ZAP70: variants seen among roughly 807,000 people sequenced by gnomAD.
ZAP70 encodes the protein tyrosine-protein kinase ZAP-70.
Under a neutral mutation model 65.8 loss-of-function variants are expected in ZAP70, and 27 were observed. That is an observed-to-expected ratio of 0.41 (90% CI 0.30 to 0.57). The LOEUF is 0.57. Ranked by LOEUF, ZAP70 falls within the 20% of genes least tolerant of loss-of-function variation. The probability of loss-of-function intolerance (pLI) is 0.28; values close to 1 mark genes in which losing one functional copy is unlikely to be tolerated. For missense variants in ZAP70, 696 were observed against 870.5 expected (o/e 0.80, Z 2.52); for synonymous variants, 363 against 360.8 (o/e 1.01, Z -0.07).
chr2:97,719,014 G>T (rs1339832480), intron 2 of ZAP70, among the ~76,000 whole-genome samples: 1 of 152,194 alleles, frequency 6.6e-6, no homozygotes, highest in Non-Finnish European at 1.5e-5. Flanking sequence ...AAGTAGCACA[G>T]CTCAGCTGGG....
intron 7 of ZAP70, 72 bp from the exon 8 acceptor site, chr2:97,733,472 T>C (rs1161624277): frequency 1.9e-6 from 3 of 1,607,050 alleles, no homozygotes; most frequent in East Asian, 2.2e-5. Context: ...CTGGGAGTCC[T>C]CAGTGGATAT....
At chr2:97,730,161 A>G (rs1677544098) in intron 4 of ZAP70, among the ~76,000 whole-genome samples, 1 of 152,208 alleles carries the variant, frequency 6.6e-6, no homozygotes, top group South Asian at 2.1e-4. Context: ...CAGGAGGTGG[A>G]GGTTGCAGTG....
chr2:97,740,427 A>C (rs1203949993), downstream of ZAP70, among the ~76,000 whole-genome samples: 2 of 152,232 alleles, frequency 1.3e-5, no homozygotes, highest in East Asian at 3.9e-4. Flanking sequence ...CAGGTAGTTC[A>C]GTTTTATTAA....
chr2:97,740,035 G>A (rs1370778183), downstream of ZAP70, among the ~76,000 whole-genome samples: 2 of 152,170 alleles, frequency 1.3e-5, no homozygotes, highest in Admixed American at 6.5e-5. Context: ...GTGAGCGGCT[G>A]GGGTGGAGTG....
At chr2:97,734,879 G>T in intron 9 of ZAP70, 167 bp downstream of exon 9, 1 of 968,344 alleles carries the variant, frequency 1.0e-6, no homozygotes. Context: ...AGAGAGCTCG[G>T]GACACCTGAC....
At chr2:97,717,692 G>T (rs1228489579) in intron 2 of ZAP70, among the ~76,000 whole-genome samples, 3 of 152,240 alleles carry the variant, frequency 2.0e-5, no homozygotes, top group Non-Finnish European at 2.9e-5. Flanking sequence ...CGCTGAAAGA[G>T]GTCCTTCCAT....
Position 97,735,244 on chromosome 2 carries a change from G to C in ZAP70, c.1083-6G>C, listed in dbSNP as rs754964070. Reference sequence around the variant, plus strand: ...CCCACGTGCCTCCCGTGGCCGGGTCGGGCAGGAAGCAGATCGACGTGGCCA... The same window carrying C: ...CCCACGTGCCTCCCGTGGCCGGGTCCGGCAGGAAGCAGATCGACGTGGCCA... On this transcript the variant is annotated splice_region_variant and splice_polypyrimidine_tract_variant and intron_variant, in intron 9 of 13. Coordinates refer to ENST00000264972, the MANE Select transcript of ZAP70 (RefSeq NM_001079.4). 1.2e-6 allele frequency: 2 copies of C among 1,613,744 alleles called. No homozygotes were observed. The highest frequency in any genetic ancestry group is 1.7e-6 in the Non-Finnish European group (2 of 1,179,918).
chr2:97,720,098 G>T (rs540400309), intron 2 of ZAP70, among the ~76,000 whole-genome samples: 1 of 152,178 alleles, frequency 6.6e-6, no homozygotes, highest in African/African-American at 2.4e-5. Context: ...AAACATGTAA[G>T]TTATTCCTAA....
the ZAP70 span, among the ~76,000 whole-genome samples, chr2:97,745,622 C>T: frequency 6.6e-6 from 1 of 152,164 alleles, no homozygotes; most frequent in Admixed American, 6.5e-5. Flanking sequence ...CAAGCCACAC[C>T]TCACACCTCC....
chr2:97,719,553 T>TG (rs148330791), intron 2 of ZAP70, among the ~76,000 whole-genome samples: 1,522 of 88,886 alleles, frequency 0.017, 22 homozygotes, highest in East Asian at 0.095. Context: ...GAGAACAGCC[T>TG]GGGGGGGGGG....
intron 3 of ZAP70, 178 bp downstream of exon 3, chr2:97,724,616 G>A: frequency 6.5e-7 from 1 of 1,533,696 alleles, no homozygotes; most frequent in Non-Finnish European, 8.7e-7. Flanking sequence ...AGAGGCAGGG[G>A]CTCCGTGGTG....
At chr2:97,740,331 A>G (rs537415990), downstream of ZAP70, among the ~76,000 whole-genome samples, 10 of 152,330 alleles carry the variant, frequency 6.6e-5, no homozygotes, top group East Asian at 1.9e-3. Context: ...AAATGCAAAC[A>G]TTGTTTTTAA....
At chr2:97,733,387 G>T in intron 7 of ZAP70, 44 bp downstream of exon 7, 1 of 1,591,350 alleles carries the variant, frequency 6.3e-7, no homozygotes, top group Admixed American at 1.7e-5. Flanking sequence ...GATGGAGCTG[G>T]GGAGTGGCTG....
rs1418519863 is a variant in ZAP70 at position 97,737,896 on chromosome 2, A to T, written c.1622A>T (p.Lys541Met). The part of the protein sequence containing the change: ...EALSYGQKPY[K>M]KMKGPEVMAF... The stretch of plus-strand genomic sequence containing the variant: ...TTGTCCTACGGCCAGAAGCCCTACA[A>T]GGCAGGCGCGGGCAGAGGCAGGTGG... The change falls in exon 12 of 14, where the codon AAG (lysine) becomes ATG (methionine). Residue 541 changes from lysine (K) to methionine (M), a missense_variant and splice_region_variant. Physicochemically the swap from Lys to Met is moderately conservative, Grantham distance 95 (BLOSUM62 -1). This residue lies in a region of ZAP70 where 67 missense variants were observed against 151.9 expected (regional missense o/e 0.44). Coordinates refer to ENST00000264972, the MANE Select transcript of ZAP70 (RefSeq NM_001079.4). The surrounding 1 kb of genome is among the most constrained non-coding windows in gnomAD (Gnocchi z 5.0). The T allele has an allele frequency of 1.2e-6, 2 of 1,613,986 alleles. No individual in the cohort carries two copies. The highest frequency in any genetic ancestry group is 1.7e-6 in the Non-Finnish European group (2 of 1,179,968).
intron 2 of ZAP70, among the ~76,000 whole-genome samples, chr2:97,714,441 G>A (rs1398345998): frequency 3.3e-5 from 5 of 152,216 alleles, no homozygotes; most frequent in African/African-American, 1.2e-4. Flanking sequence ...GCGAGCTCAG[G>A]TTAGAGGAAG....
chr2:97,754,694 C>T, the ZAP70 span, among the ~76,000 whole-genome samples: 12 of 152,184 alleles, frequency 7.9e-5, no homozygotes, highest in Non-Finnish European at 1.3e-4. Context: ...TGAGCCCCAG[C>T]GCCTGGCCCA....
intron 9 of ZAP70, 50 bp from the exon 10 acceptor site, chr2:97,735,200 G>C: frequency 6.2e-7 from 1 of 1,606,636 alleles, no homozygotes. Context: ...GTGGGGCCGA[G>C]CAGGGCCGGT....
the ZAP70 span, among the ~76,000 whole-genome samples, chr2:97,753,615 T>TA: frequency 6.6e-6 from 1 of 152,210 alleles, no homozygotes; most frequent in Non-Finnish European, 1.5e-5. Context: ...ACTCCTTTGA[T>TA]ACACAGTTTA....
At position 97,737,910 on chromosome 2, in the gene ZAP70, A is replaced by T; in HGVS notation, c.1623+13A>T. ...GAAGCCCTACAAGGCAGGCGCGGGC[A>T]GAGGCAGGTGGGCGGTGTGGTGGGG... On this transcript the variant is annotated intron_variant, in intron 12 of 13. Coordinates refer to ENST00000264972, the MANE Select transcript of ZAP70 (RefSeq NM_001079.4). This position sits in a 1 kb window ranked among gnomAD's most constrained non-coding sequence, Gnocchi z 5.0. The T allele has an allele frequency of 1.2e-6, 2 of 1,614,126 alleles. No individual in the cohort carries two copies. The highest frequency in any genetic ancestry group is 1.7e-6 in the Non-Finnish European group (2 of 1,179,948).
Sources: gnomAD v4.1 joint callset for allele counts (sites outside exome capture counted in the v4.1 genomes callset) on GRCh38, gnomAD v4.1.1 for gene constraint, gnomAD v4.1.1 regional missense constraint, Gnocchi (gnomAD v3.1) non-coding constraint, MANE v1.5 for transcripts, NCBI Gene and HGNC (gene_info 2026-07-23, HGNC 2026-07-21) for gene names.